PTGFRN: variants seen among roughly 807,000 people sequenced by gnomAD.
PTGFRN encodes the protein prostaglandin F2 receptor negative regulator.
PTGFRN carries 35 observed loss-of-function variants against 83.2 expected under a neutral mutation model. That is an observed-to-expected ratio of 0.42 (90% confidence interval 0.32 to 0.56). The LOEUF (loss-of-function observed/expected upper bound fraction) is 0.56. Ranked by LOEUF, PTGFRN falls within the 20% of genes least tolerant of loss-of-function variation. PTGFRN has a pLI of 0.11. For synonymous variants in PTGFRN, 519 were observed against 498.6 expected (o/e 1.04, Z -0.55); for missense variants, 1,051 against 1,179.5 (o/e 0.89, Z 1.60).
chr1:116,947,585 C>T (rs1013775090), intron 3 of PTGFRN, among the ~76,000 whole-genome samples: 2 of 152,180 alleles, frequency 1.3e-5, no homozygotes, highest in Non-Finnish European at 2.9e-5. Context: ...TTTTCTGAAC[C>T]TGAGACTCTG....
intron 7 of PTGFRN, among the ~76,000 whole-genome samples, chr1:116,983,971 A>C (rs1400295593): frequency 1.3e-5 from 2 of 152,200 alleles, no homozygotes; most frequent in East Asian, 3.8e-4. Context: ...TCTTTCTCTT[A>C]TGCCCATATT....
rs544222384 is a variant in PTGFRN, at chr1:116,934,784, C to A, written c.50-6931C>A. On this transcript the variant is annotated intron_variant, in intron 1 of 8. Coordinates refer to ENST00000393203, the MANE Select transcript of PTGFRN (RefSeq NM_020440.4). ...TTGTAGTGGCTTTGTATGATGTCATCTTCTATCTGAGAAGATTTACTTTTT... is the reference window on the plus strand; with the variant it reads ...TTGTAGTGGCTTTGTATGATGTCATATTCTATCTGAGAAGATTTACTTTTT... Among the ~76,000 whole-genome samples the A allele has an allele frequency of 1.9e-4, 29 of 152,274 alleles. No homozygotes were observed. The South Asian group carries it at 3.5e-3, about 19-fold the overall frequency.
intron 3 of PTGFRN, among the ~76,000 whole-genome samples, chr1:116,946,785 A>G (rs1468546654): frequency 6.6e-6 from 1 of 152,266 alleles, no homozygotes; most frequent in Non-Finnish European, 1.5e-5. Flanking sequence ...AAATAATTAT[A>G]TAGAAATCGT....
In PTGFRN at chr1:116,974,231, C is replaced by G. The variant is rs760682064; in HGVS notation, c.2075C>G (p.Ala692Gly). The G allele has an allele frequency of 6.2e-7, 1 of 1,608,298 alleles. No individual in the cohort carries two copies. Among genetic ancestry groups the G allele is most frequent in the Admixed American group, 1.7e-5 (1 of 59,878 alleles). The part of the protein sequence containing the change: ...DFQTSGPIFN[A>G]SVHSDTPSVI... ...TTTTTTCCAGGTCCTATATTTAATG[C>G]TTCTGTGCATTCAGACACACCATCA... is the stretch of plus-strand genomic sequence containing the variant. The change falls in exon 7 of 9, where the codon GCT (alanine) becomes GGT (glycine). Residue 692 changes from alanine to glycine, a missense_variant. This residue lies in a region of PTGFRN where 719 missense variants were observed against 836.6 expected (regional missense o/e 0.86). Coordinates refer to ENST00000393203, the MANE Select transcript of PTGFRN (RefSeq NM_020440.4).
At chr1:116,912,369 T>C (rs1019864325) in intron 1 of PTGFRN, among the ~76,000 whole-genome samples, 2 of 152,228 alleles carry the variant, frequency 1.3e-5, no homozygotes, top group African/African-American at 4.8e-5. Flanking sequence ...AAGGTCTCGC[T>C]GTGTTACACT....
At chr1:116,936,571 T>C (rs2246082) in intron 1 of PTGFRN, among the ~76,000 whole-genome samples, 22,359 of 152,158 alleles carry the variant, frequency 0.15, 2,863 homozygotes, top group African/African-American at 0.35. Flanking sequence ...CTGCAGCTGC[T>C]TCTTACAAGA....
intron 3 of PTGFRN, among the ~76,000 whole-genome samples, chr1:116,948,447 T>A (rs1650255358): frequency 6.6e-6 from 1 of 152,234 alleles, no homozygotes; most frequent in South Asian, 2.1e-4. Context: ...AGAATATGTT[T>A]TATGATTGGC....
chr1:116,989,421 A>G lies in PTGFRN; in HGVS notation c.*2454A>G, dbSNP rs536851892. 1 of 152,530 alleles carries G rather than the reference A, an allele frequency of 6.6e-6. No individual in the cohort carries two copies. The highest frequency in any genetic ancestry group is 2.1e-4 in the South Asian group (1 of 4,824). The allele number at this position is 152,530 out of a possible 1,614,324, so 9.4% of individuals were successfully genotyped here. On this transcript the variant is annotated 3_prime_UTR_variant, in exon 9 of 9. Transcript: ENST00000393203. ...GAATGTGTATTTTTAATGTGGTGAG[A>G]TGCACTCTTTTGTTGTACCAAATAG...
chr1:116,934,200 C>G (rs2491108), intron 1 of PTGFRN, among the ~76,000 whole-genome samples: 22,365 of 151,934 alleles, frequency 0.15, 2,874 homozygotes, highest in African/African-American at 0.35. Flanking sequence ...GGCAGGAGTA[C>G]AGTGGCACAG....
intron 1 of PTGFRN, among the ~76,000 whole-genome samples, chr1:116,917,072 G>A (rs563864909): frequency 8.5e-5 from 13 of 152,242 alleles, no homozygotes; most frequent in African/African-American, 3.1e-4. Context: ...ACTTGTTAAA[G>A]AGGGATTGGT....
intron 8 of PTGFRN, among the ~76,000 whole-genome samples, chr1:116,986,476 G>A (rs186062051): frequency 9.5e-4 from 144 of 152,264 alleles, no homozygotes; most frequent in East Asian, 1.3e-3. Context: ...GCTGCTGAAC[G>A]TGCGGTGCCC....
intron 1 of PTGFRN, among the ~76,000 whole-genome samples, chr1:116,940,130 T>A (rs1650022956): frequency 6.6e-6 from 1 of 152,208 alleles, no homozygotes; most frequent in Non-Finnish European, 1.5e-5. Context: ...GTATATTAGT[T>A]TGCTAGAGCT....
At position 116,923,781 on chromosome 1, in the gene PTGFRN, T is replaced by C. The variant is rs1649591363; in HGVS notation, c.49+13529T>C. 6.6e-6 allele frequency among the ~76,000 whole-genome samples: 1 copy of C among 152,188 alleles called. No homozygotes were observed. Among genetic ancestry groups the C allele is most frequent in the South Asian group, 2.1e-4 (1 of 4,830 alleles). ...CCACATCTGAGCAAAGGGGCAGTAGTACTGCCGCCTGTAGCGTGGGCCTGG... is the reference window on the plus strand; with the variant it reads ...CCACATCTGAGCAAAGGGGCAGTAGCACTGCCGCCTGTAGCGTGGGCCTGG... On this transcript the variant is annotated intron_variant, in intron 1 of 8. Coordinates refer to ENST00000393203, the MANE Select transcript of PTGFRN (RefSeq NM_020440.4). The surrounding 1 kb of genome is among the most constrained non-coding windows in gnomAD (Gnocchi z 4.0).
chr1:116,954,931 G>A (rs557277878), intron 4 of PTGFRN, among the ~76,000 whole-genome samples: 7 of 152,258 alleles, frequency 4.6e-5, no homozygotes, highest in Admixed American at 3.3e-4. Context: ...ATAAATGCTC[G>A]TTGTTTAGCA....
At chr1:116,910,619 C>T (rs975489285) in intron 1 of PTGFRN, among the ~76,000 whole-genome samples, 1 of 152,030 alleles carries the variant, frequency 6.6e-6, no homozygotes, top group Non-Finnish European at 1.5e-5. Context: ...GCTGCGGTCC[C>T]GGCCCGGGTC....
intron 1 of PTGFRN, among the ~76,000 whole-genome samples, chr1:116,927,003 T>C (rs905866292): frequency 4.6e-5 from 7 of 152,064 alleles, no homozygotes; most frequent in Non-Finnish European, 1.0e-4. Context: ...TGAAGAAGGG[T>C]AATCACTTAG....
chr1:116,939,147 A>C (rs570014362), intron 1 of PTGFRN, among the ~76,000 whole-genome samples: 1 of 152,272 alleles, frequency 6.6e-6, no homozygotes, highest in East Asian at 1.9e-4. Flanking sequence ...TGGTGGATCT[A>C]CCGTTCTGGG....
chr1:116,936,970 T>G (rs1557962027), intron 1 of PTGFRN, among the ~76,000 whole-genome samples: 1 of 152,288 alleles, frequency 6.6e-6, no homozygotes, highest in East Asian at 1.9e-4. Context: ...TCATAAAGTA[T>G]TTTAGTAATA....
chr1:116,945,151 A>G (rs1489587730), intron 3 of PTGFRN, 59 bp downstream of exon 3: 1 of 1,537,568 alleles, frequency 6.5e-7, no homozygotes, highest in Non-Finnish European at 8.7e-7. Context: ...ATAGTGATAC[A>G]AAGAACCGGG....
Sources: allele counts gnomAD v4.1 joint callset (sites outside exome capture counted in the v4.1 genomes callset), GRCh38; gene constraint gnomAD v4.1.1; regional missense constraint gnomAD v4.1.1; non-coding constraint Gnocchi (gnomAD v3.1); transcripts MANE v1.5; gene names NCBI Gene and HGNC (gene_info 2026-07-23, HGNC 2026-07-21).